Variants in RIMBP2 observed in about 807,000 individuals in gnomAD.
RIMBP2 encodes the protein RIMS-binding protein 2.
Under a neutral mutation model 118.6 loss-of-function variants are expected in RIMBP2, and 48 were observed. The ratio of observed to expected loss-of-function variants is 0.40; its 90% CI spans 0.32 to 0.51. The LOEUF (loss-of-function observed/expected upper bound fraction) is 0.51, where lower values mean the gene tolerates loss of function less well. Among genes scored for constraint, RIMBP2 ranks in the 20% least tolerant of loss-of-function variants. RIMBP2 has a pLI of 0.41. For missense variants in RIMBP2, 1,551 were observed against 1,768.3 expected (o/e 0.88, Z 2.20); for synonymous variants, 762 against 742.9 (o/e 1.03, Z -0.42).
chr12:130,607,051 C>T (rs1288602077), intron 2 of RIMBP2, among the ~76,000 whole-genome samples: 3 of 151,924 alleles, frequency 2.0e-5, no homozygotes, highest in South Asian at 2.1e-4. Flanking sequence ...AGGCTGGTCT[C>T]GAACTCCTGA....
At chr12:130,529,851 G>A (rs1462815694) in intron 2 of RIMBP2, among the ~76,000 whole-genome samples, 1 of 152,022 alleles carries the variant, frequency 6.6e-6, no homozygotes, top group East Asian at 1.9e-4. Flanking sequence ...CCTCACATGT[G>A]CAGTTCACTC....
In RIMBP2 at chr12:130,396,202, C is replaced by G. The variant is rs2074063842; in HGVS notation, c.*1159G>C. 1 of 152,660 alleles carries G rather than the reference C, an allele frequency of 6.6e-6. No homozygotes were observed. Among genetic ancestry groups the G allele is most frequent in the Admixed American group, 6.5e-5 (1 of 15,282 alleles). The allele number at this position is 152,660 out of a possible 1,614,324, so 9.5% of individuals were successfully genotyped here. The stretch of plus-strand genomic sequence containing the variant: ...AACTGTGCACATGCACACACCCACA[C>G]AGAGCTTAACCACACATGGATTTCC... On this transcript the variant is annotated 3_prime_UTR_variant, in exon 23 of 23. Transcript: ENST00000690449.
intron 2 of RIMBP2, among the ~76,000 whole-genome samples, chr12:130,544,590 G>A (rs1490752205): frequency 1.4e-5 from 2 of 141,476 alleles, no homozygotes; most frequent in East Asian, 2.1e-4. Flanking sequence ...AGATGTAACT[G>A]GAGGCCTTTT....
chr12:130,642,326 C>T (rs1041016417), intron 1 of RIMBP2, among the ~76,000 whole-genome samples: 1 of 152,050 alleles, frequency 6.6e-6, no homozygotes, highest in African/African-American at 2.4e-5. Context: ...CTCTCATCAC[C>T]CAGGCTAGAG....
intron 1 of RIMBP2, among the ~76,000 whole-genome samples, chr12:130,706,955 C>T (rs941060051): frequency 1.3e-5 from 2 of 152,188 alleles, no homozygotes; most frequent in Non-Finnish European, 2.9e-5. Context: ...ACCCACCTTC[C>T]CAGCCCTACC....
At position 130,446,627 on chromosome 12, in the gene RIMBP2, G is replaced by A. The variant is rs1392809087; in HGVS notation, c.582-1358C>T. Among the ~76,000 whole-genome samples, 2 of 152,174 alleles carry A rather than the reference G, an allele frequency of 1.3e-5. No homozygotes were observed. The highest frequency in any genetic ancestry group is 3.9e-4 in the East Asian group (2 of 5,184). On this transcript the variant is annotated intron_variant, in intron 9 of 22. Coordinates refer to ENST00000690449, the MANE Select transcript of RIMBP2 (RefSeq NM_001393629.1). The surrounding 1 kb of genome is among the most constrained non-coding windows in gnomAD (Gnocchi z 4.1). The stretch of plus-strand genomic sequence containing the variant: ...GGGCCACCCTCTAACACAAAGCTCG[G>A]CAGTGGAACGGGACAAGAGCTCTGG...
intron 3 of RIMBP2, among the ~76,000 whole-genome samples, chr12:130,508,364 A>G (rs545789186): frequency 6.6e-6 from 1 of 151,874 alleles, no homozygotes; most frequent in East Asian, 2.0e-4. Flanking sequence ...TGGTGGTCTA[A>G]AAGTCCTACC....
chr12:130,550,195 G>A (rs1408524095), intron 2 of RIMBP2, among the ~76,000 whole-genome samples: 2 of 152,220 alleles, frequency 1.3e-5, no homozygotes, highest in African/African-American at 4.8e-5. Flanking sequence ...GAGAAGGGAT[G>A]TCTACTGCAT....
At chr12:130,563,528 T>C (rs1045581326) in intron 2 of RIMBP2, among the ~76,000 whole-genome samples, 2 of 152,254 alleles carry the variant, frequency 1.3e-5, no homozygotes, top group African/African-American at 4.8e-5. Context: ...GAATCAAGTA[T>C]GAAAACGGTG....
intron 3 of RIMBP2, among the ~76,000 whole-genome samples, chr12:130,514,367 C>T (rs1165442909): frequency 2.6e-5 from 4 of 152,198 alleles, no homozygotes; most frequent in Admixed American, 6.5e-5. Context: ...TTGAATCCTG[C>T]GGGAGCAGGG....
chr12:130,522,227 T>C (rs959450443), intron 2 of RIMBP2, among the ~76,000 whole-genome samples: 1 of 152,184 alleles, frequency 6.6e-6, no homozygotes. Context: ...TGCAAAATCA[T>C]GGGCAAAAAG....
intron 1 of RIMBP2, among the ~76,000 whole-genome samples, chr12:130,679,596 G>C (rs74731123): frequency 6.6e-6 from 1 of 152,160 alleles, no homozygotes; most frequent in Admixed American, 6.5e-5. Context: ...AGGTGCGGGC[G>C]CATTCGCCTG....
chr12:130,426,654 G>C (rs1429252691), intron 15 of RIMBP2: 2 of 152,352 alleles, frequency 1.3e-5, no homozygotes, highest in African/African-American at 4.8e-5. Context: ...CCAAGCTCCA[G>C]CCCCGGCGAT....
At chr12:130,713,901 G>A (rs970442417) in intron 1 of RIMBP2, among the ~76,000 whole-genome samples, 2 of 152,154 alleles carry the variant, frequency 1.3e-5, no homozygotes, top group Non-Finnish European at 2.9e-5. Flanking sequence ...TGCGTAAAGC[G>A]CCTCCTGGTC....
chr12:130,517,093 G>T (rs1433424085), intron 3 of RIMBP2, among the ~76,000 whole-genome samples: 1 of 152,156 alleles, frequency 6.6e-6, no homozygotes, highest in African/African-American at 2.4e-5. Context: ...CCTTTAAGAG[G>T]TGACTGAATC....
intron 6 of RIMBP2, chr12:130,465,451 C>G (rs939089650): frequency 6.6e-6 from 1 of 152,530 alleles, no homozygotes; most frequent in African/African-American, 2.4e-5. Context: ...ACCAGGAAGC[C>G]CAGATCCTCA....
chr12:130,432,163 G>A (rs2136951444), intron 14 of RIMBP2: 2 of 452,050 alleles, frequency 4.4e-6, no homozygotes, highest in Non-Finnish European at 8.9e-6. Flanking sequence ...CAGGGAAGGT[G>A]ATGATTCACT....
At chr12:130,514,712 AT>A (rs1402388465) in intron 3 of RIMBP2, among the ~76,000 whole-genome samples, 1 of 152,012 alleles carries the variant, frequency 6.6e-6, no homozygotes, top group East Asian at 1.9e-4. Flanking sequence ...TTTTCCTCCT[AT>A]TTGAAGAAAA....
At chr12:130,515,701 A>G (rs1471764135) in intron 3 of RIMBP2, among the ~76,000 whole-genome samples, 1 of 150,422 alleles carries the variant, frequency 6.6e-6, no homozygotes, top group Non-Finnish European at 1.5e-5. Context: ...CCTCCTTTTC[A>G]ATTTTTTTTT....
Sources: allele counts gnomAD v4.1 joint callset (sites outside exome capture counted in the v4.1 genomes callset), GRCh38; gene constraint gnomAD v4.1.1; non-coding constraint Gnocchi (gnomAD v3.1); transcripts MANE v1.5; gene names NCBI Gene and HGNC (gene_info 2026-07-23, HGNC 2026-07-21).